HSF1: variants seen among roughly 807,000 people sequenced by gnomAD.
HSF1 encodes the protein heat shock factor protein 1.
In HSF1, 32 loss-of-function variants were observed where a neutral mutation model predicts 51.7. The ratio of observed to expected loss-of-function variants is 0.62; its 90% CI spans 0.47 to 0.83. The LOEUF is 0.83. Ranked by LOEUF, HSF1 falls within the 40% of genes least tolerant of loss-of-function variation. The pLI is 0.00. For missense variants in HSF1, 727 were observed against 717.0 expected, an observed-to-expected ratio of 1.01 and a Z score of -0.16; for synonymous variants, 396 against 309.7, an observed-to-expected ratio of 1.28 and a Z score of -2.92.
At chr8:144,313,237 A>T (rs1332552802) in intron 9 of HSF1, 2 of 487,274 alleles carry the variant, frequency 4.1e-6, no homozygotes, top group African/African-American at 3.9e-5. Context: ...CTGGAGCTGA[A>T]TACGCCCCTT....
intron 10 of HSF1, 65 bp downstream of exon 10, chr8:144,313,681 G>GCCCCACCT (rs1440312978): frequency 7.0e-5 from 2 of 28,536 alleles, no homozygotes; most frequent in Non-Finnish European, 1.2e-4. Flanking sequence ...CCGCCTCCCC[G>GCCCCACCT]CCCCGCCTCC....
At position 144,308,954 on chromosome 8, in the gene HSF1, G is replaced by C. The variant is rs782597311; in HGVS notation, c.166G>C (p.Val56Leu). The C allele has an allele frequency of 6.2e-7, 1 of 1,614,178 alleles. No individual in the cohort carries two copies. The highest frequency in any genetic ancestry group is 8.5e-7 in the Non-Finnish European group (1 of 1,180,000). ...CGACCAGGGCCAGTTTGCCAAGGAGGTGCTGCCCAAGTACTTCAAGCACAA... is the reference window on the plus strand; with the variant it reads ...CGACCAGGGCCAGTTTGCCAAGGAGCTGCTGCCCAAGTACTTCAAGCACAA... ...VFDQGQFAKE[V>L]LPKYFKHNNM... Residue 56 changes from valine (V) to leucine (L), a missense_variant, in exon 2 of 13, where the codon GTG becomes CTG. Transcript: ENST00000528838.
intron 1 of HSF1, among the ~76,000 whole-genome samples, chr8:144,292,991 T>G (rs1554840664): frequency 6.6e-6 from 1 of 152,126 alleles, no homozygotes; most frequent in Non-Finnish European, 1.5e-5. Flanking sequence ...CACTGATCAT[T>G]GGGAGCTTTT....
At position 144,309,844 on chromosome 8, in the gene HSF1, C is replaced by T; in HGVS notation, c.436C>T (p.Leu146=). 3.1e-6 allele frequency: 5 copies of T among 1,613,958 alleles called. No individual in the cohort carries two copies. The highest frequency in any genetic ancestry group is 3.4e-6 in the Non-Finnish European group (4 of 1,180,010). ...SVTKLLTDVQ[L]MKGKQECMDS... is the part of the protein sequence containing the mutation. ...CACCAAGCTGCTGACGGACGTGCAG[C>T]TGATGAAGGGGAAGCAGGAGTGCAT... Residue 146 remains leucine (L), a synonymous_variant, in exon 4 of 13, where the codon CTG becomes TTG. Coordinates refer to ENST00000528838, the MANE Select transcript of HSF1 (RefSeq NM_005526.4).
chr8:144,308,268 G>A (rs992739070), intron 1 of HSF1, among the ~76,000 whole-genome samples: 2 of 152,306 alleles, frequency 1.3e-5, no homozygotes, highest in African/African-American at 2.4e-5. Context: ...GAGCCACCGC[G>A]GCCACGGCCA....
chr8:144,314,198 C>T lies in HSF1; in HGVS notation c.1458C>T (p.Asn486=), dbSNP rs781826372. 2.6e-6 allele frequency: 4 copies of T among 1,549,702 alleles called. No homozygotes were observed. The highest frequency in any genetic ancestry group is 1.7e-4 in the Middle Eastern group (1 of 5,964). ...CCGGCTCCGTGGACACCGGGAGCAACGACCTGCCGGTGCTGTTTGAGCTGG... is the reference window on the plus strand; with the variant it reads ...CCGGCTCCGTGGACACCGGGAGCAATGACCTGCCGGTGCTGTTTGAGCTGG... The part of the protein sequence containing the change: ...LDPGSVDTGS[N]DLPVLFELGE... Residue 486 remains asparagine, a synonymous_variant, in exon 13 of 13, where the codon AAC becomes AAT. Transcript: ENST00000528838.
At chr8:144,294,221 A>C (rs1315617520) in intron 1 of HSF1, among the ~76,000 whole-genome samples, 4 of 152,146 alleles carry the variant, frequency 2.6e-5, no homozygotes, top group East Asian at 3.9e-4. Flanking sequence ...GGGGCTGCAG[A>C]GCTTTCCGGC....
intron 9 of HSF1, 135 bp from the exon 10 acceptor site, chr8:144,313,376 C>A (rs1210262399): frequency 3.2e-6 from 2 of 624,088 alleles, no homozygotes; most frequent in Non-Finnish European, 5.8e-6. Flanking sequence ...GAATGCGCTG[C>A]CCCCTCCAGC....
chr8:144,311,936 A>C, intron 8 of HSF1, 27 bp from the exon 9 acceptor site: 1 of 1,581,798 alleles, frequency 6.3e-7, no homozygotes, highest in Non-Finnish European at 8.6e-7. Flanking sequence ...CCGAGACGCC[A>C]GCTCACCTGG....
intron 2 of HSF1, 120 bp from the exon 3 acceptor site, chr8:144,309,335 G>A: frequency 7.1e-7 from 1 of 1,408,362 alleles, no homozygotes. Context: ...GGGCTCTGAG[G>A]GGGCAGGGCA....
At chr8:144,302,519 A>T (rs1421275976) in intron 1 of HSF1, among the ~76,000 whole-genome samples, 1 of 150,588 alleles carries the variant, frequency 6.6e-6, no homozygotes, top group Non-Finnish European at 1.5e-5. Flanking sequence ...AAAAAAAGAT[A>T]ATAATAATAA....
At chr8:144,311,480 G>A (rs782392205) in intron 6 of HSF1, 25 bp from the exon 7 acceptor site, 12 of 1,613,010 alleles carry the variant, frequency 7.4e-6, no homozygotes, top group South Asian at 1.1e-5. Flanking sequence ...GGGGGGTGGT[G>A]GCTGACCTGC....
At chr8:144,308,678 G>A (rs2130418233) in intron 1 of HSF1, among the ~76,000 whole-genome samples, 2 of 152,344 alleles carry the variant, frequency 1.3e-5, no homozygotes, top group South Asian at 4.1e-4. Context: ...CCCAGTCCTG[G>A]GCCTCACAGT....
rs370907821 is a variant in HSF1, at chr8:144,311,805, A to G, written c.829A>G (p.Met277Val). The G allele has an allele frequency of 2.8e-5, 45 of 1,611,574 alleles. 2 individuals carry two copies. In the South Asian group the frequency reaches 3.2e-4, roughly 11 times the overall value. ...CACCGAGCTGGCTCCTGCCAGCCCC[A>G]TGGCCTCCCCCGGCGGGAGCATAGA... ...DITELAPASP[M>V]ASPGGSIDER... The change falls in exon 8 of 13, where the codon ATG (methionine) becomes GTG (valine). Residue 277 changes from methionine (M) to valine (V), a missense_variant. Around this residue, in one of 2 missense-constraint regions of HSF1, gnomAD observed 470 missense variants for 398.8 expected, o/e 1.18. Transcript: ENST00000528838.
In HSF1 at chr8:144,301,683, A is replaced by G. The variant is rs565213946; in HGVS notation, c.118-7223A>G. Among the ~76,000 whole-genome samples, 272 of 151,892 alleles carry G rather than the reference A, an allele frequency of 1.8e-3. 1 individual carries two copies. The highest frequency in any genetic ancestry group is 6.0e-3 in the Admixed American group (91 of 15,266). ...AGGTCGAGACCATCCTGGCTAATAC[A>G]GTGAAACCCCGTCTCTATTGAAAAT... On this transcript the variant is annotated intron_variant, in intron 1 of 12. Coordinates refer to ENST00000528838, the MANE Select transcript of HSF1 (RefSeq NM_005526.4).
intron 6 of HSF1, 49 bp from the exon 7 acceptor site, chr8:144,311,456 G>C: frequency 6.2e-7 from 1 of 1,612,222 alleles, no homozygotes; most frequent in Non-Finnish European, 8.5e-7. Flanking sequence ...GCTGTGCCCC[G>C]GGTACCCCGA....
Position 144,301,032 on chromosome 8 carries a change from G to A in HSF1, c.118-7874G>A, listed in dbSNP as rs145614214. On this transcript the variant is annotated intron_variant, in intron 1 of 12. Coordinates refer to ENST00000528838, the MANE Select transcript of HSF1 (RefSeq NM_005526.4). ...CACAGTGATGTACAGGGAGAAAAAG[G>A]ACTGCAAAAACTTAGCCGAGCTTCA... Among the ~76,000 whole-genome samples the A allele has an allele frequency of 2.0e-4, 31 of 152,290 alleles. No individual in the cohort carries two copies. The East Asian group carries it at 6.0e-3, about 29-fold the overall frequency.
chr8:144,310,939 C>A, intron 4 of HSF1: 1 of 577,854 alleles, frequency 1.7e-6, no homozygotes, highest in East Asian at 2.9e-5. Flanking sequence ...TGGATCCATC[C>A]CCAACACCCT....
chr8:144,314,685 G>A lies in HSF1; in HGVS notation c.*355G>A. On this transcript the variant is annotated 3_prime_UTR_variant, in exon 13 of 13. Coordinates refer to ENST00000528838, the MANE Select transcript of HSF1 (RefSeq NM_005526.4). ...ATACACACAGTGGATGGACGGACAA[G>A]ACAGGCAGAGATCTATAAACAGACA... 1 of 286,682 alleles carries A rather than the reference G, an allele frequency of 3.5e-6. No homozygotes were observed. The highest frequency in any genetic ancestry group is 6.7e-6 in the Non-Finnish European group (1 of 148,856). 17.8% of individuals were successfully genotyped at this position (286,682 alleles called of 1,614,324 possible). A position where few individuals can be genotyped will look rare whatever the true frequency, so the allele number is the denominator to read the frequency against.
Sources: allele counts gnomAD v4.1 joint callset (sites outside exome capture counted in the v4.1 genomes callset), GRCh38; gene constraint gnomAD v4.1.1; regional missense constraint gnomAD v4.1.1; transcripts MANE v1.5; gene names NCBI Gene and HGNC (gene_info 2026-07-23, HGNC 2026-07-21).